DBT: variants seen among roughly 807,000 people sequenced by gnomAD.
DBT encodes the protein lipoamide acyltransferase component of branched-chain alpha-keto acid dehydrogenase complex, mitochondrial.
A neutral mutation model predicts 51.3 loss-of-function variants in DBT; 40 were observed. The observed-to-expected ratio is 0.78, with a 90% confidence interval of 0.61 to 1.02. The LOEUF is 1.02. DBT is among the 50% of genes least tolerant of loss of function. The pLI is 0.00. For missense variants in DBT, 510 were observed against 580.2 expected, an observed-to-expected ratio of 0.88 and a Z score of 1.24; for synonymous variants, 181 against 190.4, an observed-to-expected ratio of 0.95 and a Z score of 0.41.
chr1:100,243,605 G>A (rs1422462988), intron 1 of DBT, among the ~76,000 whole-genome samples: 1 of 152,104 alleles, frequency 6.6e-6, no homozygotes. Context: ...TACAGGCCAT[G>A]AGCCATGGTG....
chr1:100,200,922 C>T (rs1239192101), intron 10 of DBT, among the ~76,000 whole-genome samples: 3 of 152,142 alleles, frequency 2.0e-5, no homozygotes, highest in Non-Finnish European at 4.4e-5. Flanking sequence ...CAGCAAAGAT[C>T]AAAGGTAGAT....
intron 6 of DBT, among the ~76,000 whole-genome samples, chr1:100,215,490 TGTAA>T (rs1251493519): frequency 7.2e-5 from 11 of 152,276 alleles, no homozygotes; most frequent in African/African-American, 2.4e-4. Flanking sequence ...ACACATAAAT[TGTAA>T]GTGTTTCCTG....
chr1:100,211,228 A>G (rs1045228243), intron 7 of DBT: 5 of 688,064 alleles, frequency 7.3e-6, no homozygotes, highest in Admixed American at 2.3e-5. Context: ...CCAGTTTGCT[A>G]CTTGGTGTCC....
intron 5 of DBT, among the ~76,000 whole-genome samples, chr1:100,216,974 C>A (rs1662530810): frequency 1.3e-5 from 2 of 152,062 alleles, no homozygotes; most frequent in Non-Finnish European, 2.9e-5. Flanking sequence ...TAATAAAGGA[C>A]TTTACTAAGG....
chr1:100,216,397 GTATCTA>G (rs1240334600), intron 5 of DBT, among the ~76,000 whole-genome samples, 198 bp from the exon 6 acceptor site: 2 of 151,976 alleles, frequency 1.3e-5, no homozygotes, highest in African/African-American at 4.8e-5. Context: ...TAACCATCAG[GTATCTA>G]TATTATATAT....
chr1:100,213,254 G>A (rs914581852), intron 7 of DBT: 20 of 1,264,354 alleles, frequency 1.6e-5, no homozygotes, highest in Non-Finnish European at 2.0e-5. Context: ...GGCGTGCGCC[G>A]CGTCCCCGCC....
intron 8 of DBT, among the ~76,000 whole-genome samples, chr1:100,209,680 GC>G (rs1020168545): frequency 1.3e-5 from 2 of 152,032 alleles, no homozygotes; most frequent in African/African-American, 4.8e-5. Flanking sequence ...TCCCACCTCA[GC>G]CTCCTGAGTA....
Position 100,187,025 on chromosome 1 carries a change from A to G in DBT, c.*9230T>C, listed in dbSNP as rs893701906. 8 of 152,350 alleles carry G rather than the reference A, an allele frequency of 5.3e-5. No individual in the cohort carries two copies. The highest frequency in any genetic ancestry group is 3.4e-3 in the Middle Eastern group (1 of 294). The allele number at this position is 152,350 out of a possible 1,614,324, so 9.4% of individuals were successfully genotyped here. A position where few individuals can be genotyped will look rare whatever the true frequency, so the allele number is the denominator to read the frequency against. On this transcript the variant is annotated 3_prime_UTR_variant, in exon 11 of 11. Transcript: ENST00000370132. The stretch of plus-strand genomic sequence containing the variant: ...ATCTCCATTTGAGAAAAAGCATGCC[A>G]TGAGTCTAAATAACCAATTTCATTT...
chr1:100,201,185 T>C (rs1472911435), intron 10 of DBT, among the ~76,000 whole-genome samples: 1 of 152,022 alleles, frequency 6.6e-6, no homozygotes, highest in Non-Finnish European at 1.5e-5. Flanking sequence ...CTAACTAGAA[T>C]AACCAGTTTA....
In DBT at chr1:100,213,423, A is replaced by T. The variant is rs939659279; in HGVS notation, c.939+1394T>A. 1.7e-5 allele frequency: 27 copies of T among 1,582,258 alleles called. No individual in the cohort carries two copies. In the Admixed American group the frequency reaches 4.5e-4, roughly 26 times the overall value. On this transcript the variant is annotated intron_variant, in intron 7 of 10. Coordinates refer to ENST00000370132, the MANE Select transcript of DBT (RefSeq NM_001918.5). ...GCGCCCCCGCAGCCGCCCTACTCCT[A>T]CCTCGTCACACGGACACCCACCCAC...
rs1334682009 is a variant in DBT at position 100,249,804 on chromosome 1, A to C, written c.17T>G (p.Met6Arg). 1 of 1,614,078 alleles carries C rather than the reference A, an allele frequency of 6.2e-7. No homozygotes were observed. Among genetic ancestry groups the C allele is most frequent in the African/African-American group, 1.3e-5 (1 of 74,920 alleles). Residue 6 changes from methionine (M) to arginine (R), a missense_variant, in exon 1 of 11, where the codon ATG becomes AGG. By Grantham distance (91) the Met-to-Arg change is moderately conservative. Transcript: ENST00000370132. Reference sequence around the variant, plus strand: ...CGCATTCCTGCTCCAGGTTCTCAGCATACGGACTGCAGCCATCTTACCCCG... The same window carrying C: ...CGCATTCCTGCTCCAGGTTCTCAGCCTACGGACTGCAGCCATCTTACCCCG... MAAVR[M>R]LRTWSRNAGK...
intron 7 of DBT, chr1:100,213,742 T>C: frequency 6.5e-7 from 1 of 1,545,100 alleles, no homozygotes; most frequent in Non-Finnish European, 8.7e-7. Flanking sequence ...TTCAATAGTT[T>C]TATTTGATTA....
At chr1:100,230,643 A>C (rs201391424) in intron 4 of DBT, 90 bp downstream of exon 4, 1 of 818,754 alleles carries the variant, frequency 1.2e-6, no homozygotes, top group Non-Finnish European at 1.9e-6. Flanking sequence ...AAAAAAAAAC[A>C]AAAAAACAAA....
chr1:100,196,388 T>C lies in DBT; in HGVS notation c.1316A>G (p.Tyr439Cys). The C allele has an allele frequency of 6.3e-7, 1 of 1,578,340 alleles. No homozygotes were observed. The highest frequency in any genetic ancestry group is 8.6e-7 in the Non-Finnish European group (1 of 1,166,458). ...GCTCACATTCATTATCTGTGCCTTA[T>C]ATACTTCTCCTTTCTGGTTAAATCG... ...IPRFNQKGEV[Y>C]KAQIMNVSWS... is the part of the protein sequence containing the mutation. Residue 439 changes from tyrosine (Y) to cysteine (C), a missense_variant, in exon 11 of 11, where the codon TAT becomes TGT. Tyr to Cys is a radical substitution (Grantham distance 194). Coordinates refer to ENST00000370132, the MANE Select transcript of DBT (RefSeq NM_001918.5).
chr1:100,217,077 T>C (rs1378233122), intron 5 of DBT, among the ~76,000 whole-genome samples: 1 of 152,162 alleles, frequency 6.6e-6, no homozygotes, highest in Non-Finnish European at 1.5e-5. Flanking sequence ...TGGTTCTTAA[T>C]TTTAAACAAA....
chr1:100,225,362 C>T (rs1311396239), intron 4 of DBT, among the ~76,000 whole-genome samples: 1 of 151,838 alleles, frequency 6.6e-6, no homozygotes, highest in Admixed American at 6.6e-5. Flanking sequence ...TTCTTTCACT[C>T]AGCATAATTT....
Position 100,206,619 on chromosome 1 carries a change from C to T in DBT, c.1035G>A (p.Gly345=), listed in dbSNP as rs1307463742. 3 of 1,607,288 alleles carry T rather than the reference C, an allele frequency of 1.9e-6. No individual in the cohort carries two copies. The African/African-American group carries it at 4.0e-5, about 22-fold the overall frequency. Residue 345 remains glycine (G), a synonymous_variant, in exon 9 of 11, where the codon GGG becomes GGA. Transcript: ENST00000370132. ...NITYKASHNI[G]IAMDTEQGLI... ...AACCCTGCTCAGTATCCATTGCTAT[C>T]CCAATGTTATGAGAAGCCTAAAAAA...
chr1:100,196,475 C>T (rs930453226), intron 10 of DBT, 53 bp from the exon 11 acceptor site: 12 of 1,538,982 alleles, frequency 7.8e-6, no homozygotes, highest in African/African-American at 1.4e-5. Context: ...AAGAGTAAAC[C>T]TTCACTTGTT....
chr1:100,204,006 G>A (rs1661607824), intron 10 of DBT, among the ~76,000 whole-genome samples: 1 of 152,118 alleles, frequency 6.6e-6, no homozygotes, highest in South Asian at 2.1e-4. Context: ...TACTGAATGG[G>A]CAAAAGCTGG....
Sources: allele counts gnomAD v4.1 joint callset (sites outside exome capture counted in the v4.1 genomes callset), GRCh38; gene constraint gnomAD v4.1.1; transcripts MANE v1.5; gene names NCBI Gene and HGNC (gene_info 2026-07-23, HGNC 2026-07-21).